QTGAL: variants seen among roughly 807,000 people sequenced by gnomAD.
The protein encoded by QTGAL is queuosine-tRNA galactosyltransferase.
chr17:82,973,310 G>GTT, the QTGAL span, among the ~76,000 whole-genome samples: 611 of 152,300 alleles, frequency 4.0e-3, 2 homozygotes, highest in Admixed American at 7.7e-3. Context: ...CCATCTGTGG[G>GTT]TTTTTCAATT....
the QTGAL span, among the ~76,000 whole-genome samples, chr17:82,970,598 G>GCGTGGACGCGACCTCCGCACCCA: frequency 4.1e-5 from 3 of 72,614 alleles, no homozygotes; most frequent in African/African-American, 2.0e-4. Context: ...CTCCGCACCC[G>GCGTGGACGCGACCTCCGCACCCA]GCGTGGCCGC....
At chr17:82,965,781 A>G in the QTGAL span, 1 of 1,569,778 alleles carries the variant, frequency 6.4e-7, no homozygotes, top group Non-Finnish European at 8.7e-7. Flanking sequence ...GTTAGCGGAA[A>G]AGAACAGCTT....
chr17:82,957,888 C>T, the QTGAL span, among the ~76,000 whole-genome samples: 9 of 152,282 alleles, frequency 5.9e-5, no homozygotes, highest in Admixed American at 2.0e-4. Flanking sequence ...CACTTGGACA[C>T]GACCTTCTGC....
At chr17:83,043,126 G>C in the QTGAL span, among the ~76,000 whole-genome samples, 23,103 of 152,074 alleles carry the variant, frequency 0.15, 1,842 homozygotes, top group African/African-American at 0.21. Context: ...AACATCTAGA[G>C]AGAAGATAAT....
At chr17:82,971,181 C>T in the QTGAL span, among the ~76,000 whole-genome samples, 1 of 152,212 alleles carries the variant, frequency 6.6e-6, no homozygotes, top group South Asian at 2.1e-4. Context: ...GCAATTATAT[C>T]CAGGCCGGTC....
chr17:82,982,918 A>G, the QTGAL span, among the ~76,000 whole-genome samples: 1 of 152,048 alleles, frequency 6.6e-6, no homozygotes, highest in Non-Finnish European at 1.5e-5. Context: ...CTCTGGTTAT[A>G]TAAGATGTTA....
the QTGAL span, among the ~76,000 whole-genome samples, chr17:82,956,513 G>A: frequency 3.3e-5 from 5 of 152,024 alleles, no homozygotes; most frequent in Admixed American, 6.5e-5. The surrounding 1 kb of genome is among the most constrained non-coding windows in gnomAD (Gnocchi z 5.7). Context: ...CCAGGGCAGC[G>A]GCCACCACCC....
At chr17:82,988,512 T>C in the QTGAL span, among the ~76,000 whole-genome samples, 1 of 152,140 alleles carries the variant, frequency 6.6e-6, no homozygotes, top group Non-Finnish European at 1.5e-5. Flanking sequence ...AAATGGGACC[T>C]AATTAAACTA....
chr17:83,017,108 C>T, the QTGAL span, among the ~76,000 whole-genome samples: 3 of 152,088 alleles, frequency 2.0e-5, no homozygotes, highest in Admixed American at 6.6e-5. Context: ...GAAAGACAAA[C>T]GCTGGTGTTG....
the QTGAL span, chr17:83,035,157 T>C: frequency 7.0e-7 from 1 of 1,426,938 alleles, no homozygotes; most frequent in East Asian, 2.3e-5. Flanking sequence ...AGCATTCTCT[T>C]TCATAGAGCT....
chr17:82,950,372 C>T, the QTGAL span, among the ~76,000 whole-genome samples: 1 of 152,186 alleles, frequency 6.6e-6, no homozygotes, highest in South Asian at 2.1e-4. Flanking sequence ...CGAGAATTAC[C>T]ACAAGGAGAC....
At chr17:83,049,897 T>C in the QTGAL span, among the ~76,000 whole-genome samples, 1 of 152,226 alleles carries the variant, frequency 6.6e-6, no homozygotes, top group Non-Finnish European at 1.5e-5. Context: ...GAGTTAAGTC[T>C]TAATTTCATA....
chr17:83,005,098 G>A, the QTGAL span: 2 of 1,586,048 alleles, frequency 1.3e-6, no homozygotes, highest in Non-Finnish European at 1.7e-6. The surrounding 1 kb of genome is among the most constrained non-coding windows in gnomAD (Gnocchi z 5.6). Context: ...CCCCAGACAA[G>A]GCGCCAGGCG....
chr17:82,964,034 G>T, the QTGAL span, among the ~76,000 whole-genome samples: 1 of 139,468 alleles, frequency 7.2e-6, no homozygotes, highest in Non-Finnish European at 1.6e-5. Context: ...AGGTCGGGGG[G>T]GTGGATTGCT....
chr17:82,989,967 T>C, the QTGAL span, among the ~76,000 whole-genome samples: 1 of 152,234 alleles, frequency 6.6e-6, no homozygotes, highest in Non-Finnish European at 1.5e-5. Context: ...TTTTGAAGGT[T>C]TGCATCACAA....
At chr17:82,999,054 A>G in the QTGAL span, among the ~76,000 whole-genome samples, 5 of 152,330 alleles carry the variant, frequency 3.3e-5, no homozygotes, top group East Asian at 9.6e-4. Flanking sequence ...TGGTGCAACC[A>G]ATTTGGAAAG....
At chr17:82,957,020 C>T in the QTGAL span, among the ~76,000 whole-genome samples, 26 of 152,230 alleles carry the variant, frequency 1.7e-4, no homozygotes, top group African/African-American at 4.8e-4. Context: ...CGAGGGACAG[C>T]GGGGTTCTCC....
chr17:83,011,103 G>T, the QTGAL span, among the ~76,000 whole-genome samples: 1 of 152,220 alleles, frequency 6.6e-6, no homozygotes, highest in Non-Finnish European at 1.5e-5. Context: ...AAGAATGCAG[G>T]CTTTCCTCTC....
chr17:82,991,906 G>A, the QTGAL span, among the ~76,000 whole-genome samples: 2 of 152,138 alleles, frequency 1.3e-5, no homozygotes, highest in African/African-American at 2.4e-5. Flanking sequence ...GCTGAAAAAT[G>A]CAGTTGACAT....
Sources: allele counts gnomAD v4.1 joint callset (sites outside exome capture counted in the v4.1 genomes callset), GRCh38; gene constraint gnomAD v4.1.1; non-coding constraint Gnocchi (gnomAD v3.1); transcripts MANE v1.5; gene names NCBI Gene and HGNC (gene_info 2026-07-23, HGNC 2026-07-21).